Variants in RERE observed in about 807,000 individuals in gnomAD.
RERE encodes the protein arginine-glutamic acid dipeptide repeats.
Under a neutral mutation model 146.1 loss-of-function variants are expected in RERE, and 40 were observed. The ratio of observed to expected loss-of-function variants is 0.27; its 90% CI spans 0.21 to 0.36. The LOEUF is 0.36. Among genes scored for constraint, RERE ranks in the 10% least tolerant of loss-of-function variants. The pLI is 1.00. For synonymous variants in RERE, 1,003 were observed against 866.0 expected, an observed-to-expected ratio of 1.16 and a Z score of -2.78; for missense variants, 1,933 against 2,138.7, an observed-to-expected ratio of 0.90 and a Z score of 1.90.
At chr1:8,440,663 G>A (rs1375213235) in intron 11 of RERE, among the ~76,000 whole-genome samples, 8 of 150,682 alleles carry the variant, frequency 5.3e-5, no homozygotes, top group East Asian at 2.0e-4. Flanking sequence ...CGAGGCTGGC[G>A]GATCACCTAA....
intron 1 of RERE, among the ~76,000 whole-genome samples, chr1:8,723,365 A>G (rs1275012520): frequency 6.6e-6 from 1 of 152,232 alleles, no homozygotes; most frequent in Non-Finnish European, 1.5e-5. Context: ...TTTTCCCTCT[A>G]AACAGAACAT....
intron 10 of RERE, among the ~76,000 whole-genome samples, chr1:8,493,055 A>C (rs1029628962): frequency 6.6e-6 from 1 of 152,238 alleles, no homozygotes; most frequent in Non-Finnish European, 1.5e-5. Flanking sequence ...ACTGCACTCC[A>C]GCCTGGGTGA....
chr1:8,710,730 C>T (rs1173060837), intron 1 of RERE, among the ~76,000 whole-genome samples: 3 of 152,158 alleles, frequency 2.0e-5, no homozygotes, highest in Non-Finnish European at 2.9e-5. Context: ...TTAGCCAGGA[C>T]GGTCTCAATC....
chr1:8,387,329 CT>C (rs1314953641), intron 12 of RERE, among the ~76,000 whole-genome samples: 1 of 152,124 alleles, frequency 6.6e-6, no homozygotes, highest in African/African-American at 2.4e-5. Flanking sequence ...AACCCACGGA[CT>C]AAGAACTTAA....
chr1:8,422,251 G>A (rs546731840), intron 12 of RERE, among the ~76,000 whole-genome samples: 187 of 152,232 alleles, frequency 1.2e-3, no homozygotes, highest in African/African-American at 4.3e-3. Context: ...ATATTAAAGA[G>A]TTAAAACTCC....
chr1:8,791,890 T>C (rs139898352), intron 1 of RERE, among the ~76,000 whole-genome samples: 2 of 152,264 alleles, frequency 1.3e-5, no homozygotes, highest in African/African-American at 4.8e-5. Context: ...AAGGACACCA[T>C]CATCTCCCAG....
intron 11 of RERE, among the ~76,000 whole-genome samples, chr1:8,435,889 T>C (rs1165590423): frequency 1.3e-5 from 2 of 152,216 alleles, no homozygotes; most frequent in East Asian, 3.9e-4. Flanking sequence ...ACTGGGTGAA[T>C]ATCAGAAAGC....
chr1:8,556,814 T>C (rs1203474314), intron 5 of RERE, among the ~76,000 whole-genome samples: 1 of 152,136 alleles, frequency 6.6e-6, no homozygotes, highest in Non-Finnish European at 1.5e-5. Context: ...AGACCCTATA[T>C]TTTGCCAAAA....
At chr1:8,810,530 C>T (rs1194611202) in intron 1 of RERE, among the ~76,000 whole-genome samples, 6 of 152,062 alleles carry the variant, frequency 3.9e-5, no homozygotes, top group Admixed American at 1.3e-4. Context: ...CATTTGAGCC[C>T]GAGGGGGTCA....
chr1:8,570,161 A>AC (rs1343268926), intron 4 of RERE, among the ~76,000 whole-genome samples: 3 of 151,768 alleles, frequency 2.0e-5, no homozygotes, highest in African/African-American at 7.3e-5. Flanking sequence ...ACATGGTGAA[A>AC]CCCCGTCTCT....
At chr1:8,613,317 C>A (rs1187206888) in intron 4 of RERE, among the ~76,000 whole-genome samples, 1 of 152,182 alleles carries the variant, frequency 6.6e-6, no homozygotes, top group Non-Finnish European at 1.5e-5. Context: ...CCACATCTGC[C>A]TCCCAAAATC....
At chr1:8,780,045 A>T (rs1009152929) in intron 1 of RERE, among the ~76,000 whole-genome samples, 5 of 152,118 alleles carry the variant, frequency 3.3e-5, no homozygotes, top group African/African-American at 1.2e-4. Context: ...TACAAAAATT[A>T]GTCAGGCATG....
intron 22 of RERE, 110 bp from the exon 23 acceptor site, chr1:8,355,230 C>T: frequency 8.0e-7 from 1 of 1,254,946 alleles, no homozygotes; most frequent in Non-Finnish European, 1.2e-6. Context: ...CCCAAGCCCG[C>T]AGCCTCCTGT....
rs771480228 is a variant in RERE, at chr1:8,579,833, G to A, written c.523-22310C>T. ...GGCCTGGCCAACATGGTAAAACCCC[G>A]TCTCTACTAAAAATACAAAAATTAG... is the stretch of plus-strand genomic sequence containing the variant. On this transcript the variant is annotated intron_variant, in intron 4 of 22. Transcript: ENST00000400908. Among the ~76,000 whole-genome samples, 145 of 152,224 alleles carry A rather than the reference G, an allele frequency of 9.5e-4. 1 individual carries two copies. Among genetic ancestry groups the A allele is most frequent in the Non-Finnish European group, 3.4e-4 (23 of 68,008 alleles).
At chr1:8,732,437 A>T (rs1640105426) in intron 1 of RERE, among the ~76,000 whole-genome samples, 2 of 151,980 alleles carry the variant, frequency 1.3e-5, no homozygotes, top group Admixed American at 6.6e-5. Flanking sequence ...AAGGAACTTC[A>T]ACTTTCTTTA....
In RERE at chr1:8,364,935, A is replaced by C; in HGVS notation, c.1448-97T>G. 5.4e-6 allele frequency: 4 copies of C among 747,418 alleles called. No individual in the cohort carries two copies. Among genetic ancestry groups the C allele is most frequent in the Admixed American group, 2.0e-5 (1 of 48,828 alleles). 46.3% of individuals were successfully genotyped at this position (747,418 alleles called of 1,614,324 possible). ...TGGGGGGGAGGGGGGAACACCTGTG[A>C]CCTCTGGCCTACTGCAGGTTCTGGC... On this transcript the variant is annotated intron_variant, in intron 13 of 22. Coordinates refer to ENST00000400908, the MANE Select transcript of RERE (RefSeq NM_001042681.2). This position sits in a 1 kb window ranked among gnomAD's most constrained non-coding sequence, Gnocchi z 5.1.
chr1:8,642,825 T>C (rs907367823), intron 2 of RERE, among the ~76,000 whole-genome samples: 13 of 152,138 alleles, frequency 8.5e-5, no homozygotes. Context: ...AGTCCTCCCA[T>C]CAACTGCTCT....
intron 1 of RERE, among the ~76,000 whole-genome samples, chr1:8,716,899 G>T (rs1187527762): frequency 2.0e-5 from 3 of 152,012 alleles, no homozygotes; most frequent in Non-Finnish European, 4.4e-5. Context: ...TTTCTTCAGA[G>T]GGCAGGCTGT....
intron 8 of RERE, among the ~76,000 whole-genome samples, chr1:8,500,910 G>T (rs1645129140): frequency 6.6e-6 from 1 of 151,318 alleles, no homozygotes; most frequent in African/African-American, 2.4e-5. Context: ...CCCCGTCTGA[G>T]AAGTGAGGAA....
Sources: allele counts gnomAD v4.1 joint callset (sites outside exome capture counted in the v4.1 genomes callset), GRCh38; gene constraint gnomAD v4.1.1; non-coding constraint Gnocchi (gnomAD v3.1); transcripts MANE v1.5; gene names NCBI Gene and HGNC (gene_info 2026-07-23, HGNC 2026-07-21).